The following CNTLN variants were observed in gnomAD, a reference collection of about 807,000 sequenced individuals.
The protein encoded by CNTLN is centlein.
Under a neutral mutation model 180.0 loss-of-function variants are expected in CNTLN, and 212 were observed. The observed-to-expected ratio is 1.18, with a 90% CI of 1.05 to 1.32. The LOEUF (loss-of-function observed/expected upper bound fraction) is 1.32, where lower values mean the gene tolerates loss of function less well. Ranked by LOEUF, CNTLN falls within the 40% of genes most tolerant of loss-of-function variation. CNTLN has a pLI of 0.00. For synonymous variants in CNTLN, 722 were observed against 563.1 expected (o/e 1.28, Z -3.99); for missense variants, 2,095 against 1,610.9 (o/e 1.30, Z -5.14).
chr9:17,314,122 T>C (rs1010203302), intron 8 of CNTLN, among the ~76,000 whole-genome samples: 26 of 152,226 alleles, frequency 1.7e-4, no homozygotes, highest in Admixed American at 2.6e-4. Flanking sequence ...TAACTGAAAT[T>C]TCTGTTATGC....
intron 2 of CNTLN, among the ~76,000 whole-genome samples, chr9:17,173,906 G>C (rs754179676): frequency 7.5e-5 from 11 of 146,396 alleles, no homozygotes; most frequent in Non-Finnish European, 1.3e-4. Context: ...ATGAAGACAG[G>C]ATATTGACAT....
chr9:17,141,246 A>G (rs1343403511), intron 1 of CNTLN, among the ~76,000 whole-genome samples: 1 of 152,222 alleles, frequency 6.6e-6, no homozygotes, highest in Non-Finnish European at 1.5e-5. Context: ...AAGTAAAACC[A>G]AATCACTAAA....
chr9:17,337,531 T>G lies in CNTLN; in HGVS notation c.1645-3296T>G, dbSNP rs147602780. Among the ~76,000 whole-genome samples the G allele has an allele frequency of 6.2e-3, 942 of 152,306 alleles. 6 individuals are homozygous for G. Among genetic ancestry groups the G allele is most frequent in the African/African-American group, 0.022 (907 of 41,584 alleles). ...ACATTTTACACTAAAGCTTTGGGAA[T>G]CAGAAGGGGCAGCATTCACTGCTTT... is the stretch of plus-strand genomic sequence containing the variant. On this transcript the variant is annotated intron_variant, in intron 10 of 25. Coordinates refer to ENST00000380647, the MANE Select transcript of CNTLN (RefSeq NM_017738.4).
intron 8 of CNTLN, among the ~76,000 whole-genome samples, chr9:17,327,244 C>G (rs1486800144): frequency 7.8e-6 from 1 of 128,956 alleles, no homozygotes; most frequent in African/African-American, 2.9e-5. Flanking sequence ...GATGGAGTCT[C>G]ACTCTTGCCC....
At chr9:17,312,553 A>ATTTT (rs56915301) in intron 8 of CNTLN, among the ~76,000 whole-genome samples, 1 of 100,422 alleles carries the variant, frequency 1.0e-5, no homozygotes, top group Non-Finnish European at 2.0e-5. Flanking sequence ...AGCCCGGCTA[A>ATTTT]TTTTTTTTTT....
At chr9:17,350,950 A>T (rs1053301417) in intron 12 of CNTLN, among the ~76,000 whole-genome samples, 2 of 152,228 alleles carry the variant, frequency 1.3e-5, no homozygotes, top group Non-Finnish European at 2.9e-5. Flanking sequence ...AATTAAGTTC[A>T]TAGCAATCAA....
intron 5 of CNTLN, among the ~76,000 whole-genome samples, chr9:17,258,196 G>A (rs1826660349): frequency 6.8e-6 from 1 of 146,250 alleles, no homozygotes; most frequent in Non-Finnish European, 1.5e-5. Flanking sequence ...TTCTACATAT[G>A]GCTAGCCAGT....
intron 6 of CNTLN, among the ~76,000 whole-genome samples, chr9:17,296,441 A>C (rs1017227065): frequency 6.6e-6 from 1 of 152,152 alleles, no homozygotes; most frequent in South Asian, 2.1e-4. Context: ...TGGGAATATA[A>C]ATAAATTTGC....
intron 18 of CNTLN, among the ~76,000 whole-genome samples, chr9:17,432,836 A>C (rs1203757724): frequency 6.6e-6 from 1 of 152,062 alleles, no homozygotes; most frequent in African/African-American, 2.4e-5. Context: ...CCTGACCAAC[A>C]TAGCAAAACC....
chr9:17,521,274 A>AGAGAGAGAGAGAG, the CNTLN span, among the ~76,000 whole-genome samples: 1 of 149,952 alleles, frequency 6.7e-6, no homozygotes. Flanking sequence ...AAAGAGAGAG[A>AGAGAGAGAGAGAG]GAGAGAGAGA....
At chr9:17,285,249 G>A (rs1828912002) in intron 6 of CNTLN, among the ~76,000 whole-genome samples, 1 of 147,178 alleles carries the variant, frequency 6.8e-6, no homozygotes, top group South Asian at 2.2e-4. Flanking sequence ...GTGAGTATAT[G>A]CCGTGTTTGG....
chr9:17,323,578 G>T (rs530504390), intron 8 of CNTLN, among the ~76,000 whole-genome samples: 1 of 152,286 alleles, frequency 6.6e-6, no homozygotes, highest in East Asian at 1.9e-4. Context: ...CTTTCTGCTG[G>T]CTAGAAATGA....
At chr9:17,435,162 G>A (rs1177709542) in intron 18 of CNTLN, among the ~76,000 whole-genome samples, 1 of 152,088 alleles carries the variant, frequency 6.6e-6, no homozygotes, top group East Asian at 1.9e-4. Context: ...TTTCTGCCCT[G>A]CTTTACCTCG....
chr9:17,250,477 A>T lies in CNTLN; in HGVS notation c.849+13889A>T, dbSNP rs1242656505. 5.9e-5 allele frequency among the ~76,000 whole-genome samples: 9 copies of T among 151,828 alleles called. No individual in the cohort carries two copies. In the East Asian group the frequency reaches 1.7e-3, roughly 29 times the overall value. ...CTTAGTTGATTTTTTCTAGTGACAC[A>T]TTTCGATTTTGTTTGTTTAGTATAT... On this transcript the variant is annotated intron_variant, in intron 5 of 25. Coordinates refer to ENST00000380647, the MANE Select transcript of CNTLN (RefSeq NM_017738.4).
intron 10 of CNTLN, among the ~76,000 whole-genome samples, chr9:17,336,086 A>G (rs1341421584): frequency 6.6e-6 from 1 of 152,164 alleles, no homozygotes; most frequent in African/African-American, 2.4e-5. Context: ...GTAGGAAAAT[A>G]TATTAATTAG....
chr9:17,168,248 A>T lies in CNTLN; in HGVS notation c.449+24872A>T, dbSNP rs1820210488. 1.3e-5 allele frequency: 2 copies of T among 152,160 alleles called. 1 individual carries two copies. Among genetic ancestry groups the T allele is most frequent in the South Asian group, 4.1e-4 (2 of 4,832 alleles). The allele number at this position is 152,160 out of a possible 1,614,324, so 9.4% of individuals were successfully genotyped here. Reference sequence around the variant, plus strand: ...GATACTAGCCCTCTCAAACACACAAAAGAAAATCTGTCTAAATGTGTTTAG... The same window carrying T: ...GATACTAGCCCTCTCAAACACACAATAGAAAATCTGTCTAAATGTGTTTAG... On this transcript the variant is annotated intron_variant, in intron 2 of 25. Coordinates refer to ENST00000380647, the MANE Select transcript of CNTLN (RefSeq NM_017738.4).
At chr9:17,358,130 G>A (rs1822996888) in intron 12 of CNTLN, among the ~76,000 whole-genome samples, 1 of 151,996 alleles carries the variant, frequency 6.6e-6, no homozygotes, top group Non-Finnish European at 1.5e-5. Flanking sequence ...AGATTCTTAT[G>A]ATGTTTTTAA....
intron 12 of CNTLN, among the ~76,000 whole-genome samples, chr9:17,356,029 A>G (rs970190898): frequency 1.4e-5 from 2 of 147,342 alleles, no homozygotes; most frequent in African/African-American, 5.0e-5. Context: ...ACGCCACTGC[A>G]CTCCAGCCTG....
intron 18 of CNTLN, among the ~76,000 whole-genome samples, chr9:17,431,037 A>G (rs149887200): frequency 6.6e-6 from 1 of 152,212 alleles, no homozygotes; most frequent in Non-Finnish European, 1.5e-5. Flanking sequence ...TTTTTGACAT[A>G]CTGATTTCAT....
Sources: gnomAD v4.1 joint callset for allele counts (sites outside exome capture counted in the v4.1 genomes callset) on GRCh38, gnomAD v4.1.1 for gene constraint, MANE v1.5 for transcripts, NCBI Gene and HGNC (gene_info 2026-07-23, HGNC 2026-07-21) for gene names.